STON2: variants seen among roughly 807,000 people sequenced by gnomAD.
STON2 encodes stonin 2, also known as stonin-2.
STON2 carries 29 observed loss-of-function variants against 65.7 expected under a neutral mutation model. The observed-to-expected ratio is 0.44, with a 90% CI of 0.33 to 0.60. The LOEUF is 0.60. STON2 is among the 20% of genes least tolerant of loss of function. STON2 has a pLI of 0.03. For synonymous variants in STON2, 404 were observed against 414.2 expected (o/e 0.98, Z 0.30); for missense variants, 1,054 against 1,118.1 (o/e 0.94, Z 0.82).
At chr14:81,426,087 G>A (rs1901960105) in intron 2 of STON2, among the ~76,000 whole-genome samples, 1 of 152,174 alleles carries the variant, frequency 6.6e-6, no homozygotes, top group Non-Finnish European at 1.5e-5. Flanking sequence ...CGCACTTACT[G>A]AGCCCTCACA....
At chr14:81,366,279 G>A (rs1257602999) in intron 4 of STON2, among the ~76,000 whole-genome samples, 2 of 152,154 alleles carry the variant, frequency 1.3e-5, no homozygotes, top group Admixed American at 1.3e-4. Context: ...TGCCCTGCAG[G>A]GCTGCCAAAT....
intron 2 of STON2, among the ~76,000 whole-genome samples, chr14:81,414,655 G>A (rs1311180445): frequency 6.6e-6 from 1 of 151,850 alleles, no homozygotes; most frequent in African/African-American, 2.4e-5. Context: ...TGTTGCCAAA[G>A]AACTCAGTAA....
chr14:81,315,225 G>A (rs1315654790), intron 5 of STON2, among the ~76,000 whole-genome samples: 2 of 152,058 alleles, frequency 1.3e-5, no homozygotes, highest in African/African-American at 2.4e-5. Flanking sequence ...TGTTGCCAGG[G>A]GTTACATCTC....
At chr14:81,408,819 T>A (rs1241293586) in intron 2 of STON2, among the ~76,000 whole-genome samples, 2 of 152,194 alleles carry the variant, frequency 1.3e-5, no homozygotes, top group Admixed American at 6.5e-5. Context: ...TTGACTGACA[T>A]CCCCACGTAC....
At chr14:81,434,907 G>A (rs879856506) in intron 1 of STON2, among the ~76,000 whole-genome samples, 23 of 152,194 alleles carry the variant, frequency 1.5e-4, no homozygotes, top group Admixed American at 1.4e-3. Context: ...TGCAATTTTA[G>A]GTTTCTATGA....
rs536614703 is a variant in STON2, at chr14:81,376,536, A to G, written c.374-5351T>C. ...GGTGCTTTTACTGAAAAGTTCTATC[A>G]AACGTTAAAGGAAAAAGAAAAAATT... On this transcript the variant is annotated intron_variant, in intron 3 of 7. Transcript: ENST00000614646. Among the ~76,000 whole-genome samples the G allele has an allele frequency of 5.3e-4, 81 of 152,280 alleles. 2 individuals carry two copies. In the South Asian group the frequency reaches 0.012, roughly 22 times the overall value.
intron 4 of STON2, among the ~76,000 whole-genome samples, chr14:81,349,734 C>T (rs1595381285): frequency 6.6e-6 from 1 of 152,030 alleles, no homozygotes; most frequent in Non-Finnish European, 1.5e-5. Flanking sequence ...GGGTATTTAT[C>T]CAAAGGAAAG....
chr14:81,300,612 C>G lies in STON2; in HGVS notation c.743-21873G>C, dbSNP rs181819531. On this transcript the variant is annotated intron_variant, in intron 5 of 7. Transcript: ENST00000614646. ...AAAGGTGCTCAGCATCATCAGACAC[C>G]AGGCAAGTACAAATTAAGCTATAAT... 2.6e-5 allele frequency among the ~76,000 whole-genome samples: 4 copies of G among 152,158 alleles called. No homozygotes were observed. The East Asian group carries it at 7.7e-4, about 29-fold the overall frequency.
At chr14:81,423,535 G>A (rs1282715800) in intron 2 of STON2, among the ~76,000 whole-genome samples, 1 of 152,184 alleles carries the variant, frequency 6.6e-6, no homozygotes, top group Admixed American at 6.5e-5. Flanking sequence ...GCCAGGCACT[G>A]TGGCTTCTAC....
intron 3 of STON2, among the ~76,000 whole-genome samples, chr14:81,384,121 C>T (rs1283665663): frequency 1.3e-5 from 2 of 152,160 alleles, no homozygotes; most frequent in Non-Finnish European, 2.9e-5. Context: ...ACCTCTCAAA[C>T]AGTCACTCCC....
At chr14:81,405,461 T>TTTG (rs1187907397) in intron 2 of STON2, among the ~76,000 whole-genome samples, 1 of 77,024 alleles carries the variant, frequency 1.3e-5, no homozygotes, top group Non-Finnish European at 2.1e-5. Flanking sequence ...GTTACTATTG[T>TTTG]TTTTTTTTTT....
At chr14:81,375,764 A>G (rs1165296201) in intron 3 of STON2, among the ~76,000 whole-genome samples, 1 of 151,890 alleles carries the variant, frequency 6.6e-6, no homozygotes, top group Admixed American at 6.6e-5. Flanking sequence ...AATTTTTATG[A>G]TAAGTGATAA....
intron 5 of STON2, among the ~76,000 whole-genome samples, chr14:81,292,413 T>G (rs1895592889): frequency 1.3e-5 from 2 of 152,180 alleles, no homozygotes; most frequent in Admixed American, 6.5e-5. Flanking sequence ...AATCTCATCT[T>G]GACTTATGGT....
chr14:81,342,662 T>C (rs1461807681), intron 4 of STON2, among the ~76,000 whole-genome samples: 2 of 152,134 alleles, frequency 1.3e-5, no homozygotes, highest in East Asian at 1.9e-4. Flanking sequence ...AAGAGCAGCA[T>C]GGTCCACGCT....
At chr14:81,431,677 C>T (rs1323710615) in intron 1 of STON2, among the ~76,000 whole-genome samples, 1 of 151,780 alleles carries the variant, frequency 6.6e-6, no homozygotes, top group African/African-American at 2.4e-5. Context: ...ACTAGGGAGG[C>T]TGAGGCAAGA....
At position 81,380,044 on chromosome 14, in the gene STON2, C is replaced by T. The variant is rs369731689; in HGVS notation, c.374-8859G>A. ...TCTGCACAACAAAAGAAACTATCAA[C>T]GGAGTAAACAGACAATCTACAAAGT... On this transcript the variant is annotated intron_variant, in intron 3 of 7. Coordinates refer to ENST00000614646, the MANE Select transcript of STON2 (RefSeq NM_001394390.1). Among the ~76,000 whole-genome samples, 16 of 152,206 alleles carry T rather than the reference C, an allele frequency of 1.1e-4. No individual in the cohort carries two copies. The East Asian group carries it at 1.7e-3, about 17-fold the overall frequency.
At position 81,261,862 on chromosome 14, in the gene STON2, C is replaced by T. The variant is rs750853558; in HGVS notation, c.*6552G>A. 1.6e-5 allele frequency: 24 copies of T among 1,533,808 alleles called. No homozygotes were observed. In the South Asian group the frequency reaches 2.9e-4, roughly 18 times the overall value. ...CTGATCTTCACCACCCTCTTTGATC[C>T]TCTTTTTAAATCTGTGTGTGGAAGG... On this transcript the variant is annotated 3_prime_UTR_variant, in exon 8 of 8. Coordinates refer to ENST00000614646, the MANE Select transcript of STON2 (RefSeq NM_001394390.1).
intron 4 of STON2, 52 bp downstream of exon 4, chr14:81,370,936 G>T: frequency 6.5e-7 from 1 of 1,549,788 alleles, no homozygotes; most frequent in Non-Finnish European, 8.9e-7. Context: ...AAGTGGACCT[G>T]GGTACACCAA....
At chr14:81,302,997 G>A (rs894263927) in intron 5 of STON2, among the ~76,000 whole-genome samples, 3 of 152,062 alleles carry the variant, frequency 2.0e-5, no homozygotes, top group Non-Finnish European at 4.4e-5. Context: ...GATTGCTTTT[G>A]TTAAATGGCT....
Sources: gnomAD v4.1 joint callset for allele counts (sites outside exome capture counted in the v4.1 genomes callset) on GRCh38, gnomAD v4.1.1 for gene constraint, MANE v1.5 for transcripts, NCBI Gene and HGNC (gene_info 2026-07-23, HGNC 2026-07-21) for gene names.